RAN: variants seen among roughly 807,000 people sequenced by gnomAD.
The protein encoded by RAN is RAN, member RAS oncogene family.
In RAN, 2 loss-of-function variants were observed where a neutral mutation model predicts 26.8. The ratio of observed to expected loss-of-function variants is 0.07; its 90% confidence interval spans 0.03 to 0.23. The LOEUF is 0.23. Ranked by LOEUF, RAN falls within the 10% of genes least tolerant of loss-of-function variation. The pLI is 1.00. For missense variants in RAN, 56 were observed against 264.8 expected (o/e 0.21, Z 5.47); for synonymous variants, 132 against 95.9 (o/e 1.38, Z -2.20).
rs1953271305 is a variant in RAN at position 130,877,554 on chromosome 12, C to G, written c.*1628C>G. On this transcript the variant is annotated 3_prime_UTR_variant, in exon 7 of 7. Transcript: ENST00000543796. The stretch of plus-strand genomic sequence containing the variant: ...AAGTGGTGTTGACATTCTGGATCTT[C>G]TATGTAACAGTTGAAATTTGGAAGT... 1 of 152,102 alleles carries G rather than the reference C, an allele frequency of 6.6e-6. No individual in the cohort carries two copies. The highest frequency in any genetic ancestry group is 6.5e-5 in the Admixed American group (1 of 15,268). 9.4% of individuals were successfully genotyped at this position (152,102 alleles called of 1,614,324 possible). A position where few individuals can be genotyped will look rare whatever the true frequency, so the allele number is the denominator to read the frequency against.
chr12:130,874,444 G>T, intron 4 of RAN, 102 bp from the exon 5 acceptor site: 1 of 877,100 alleles, frequency 1.1e-6, no homozygotes, highest in Non-Finnish European at 1.7e-6. Context: ...GTGACTCGTT[G>T]AGGTCTAAGA....
intron 5 of RAN, among the ~76,000 whole-genome samples, chr12:130,875,206 C>T (rs1208820614): frequency 2.0e-5 from 3 of 152,124 alleles, no homozygotes; most frequent in African/African-American, 7.2e-5. Flanking sequence ...GGTTGGTCAG[C>T]TGAAATGTTT....
At position 130,877,340 on chromosome 12, in the gene RAN, TACTG is replaced by T. The variant is rs1953266860; in HGVS notation, c.*1415_*1418del. 6.6e-6 allele frequency: 1 copy of T among 152,246 alleles called. No individual in the cohort carries two copies. The highest frequency in any genetic ancestry group is 1.5e-5 in the Non-Finnish European group (1 of 68,046). 9.4% of individuals were successfully genotyped at this position (152,246 alleles called of 1,614,324 possible). A position where few individuals can be genotyped will look rare whatever the true frequency, so the allele number is the denominator to read the frequency against. On this transcript the variant is annotated 3_prime_UTR_variant, in exon 7 of 7. Transcript: ENST00000543796. The stretch of plus-strand genomic sequence containing the variant: ...GGGTGAAGCTGAATAAAGTTCTACT[TACTG>T]TATTAACTGGCAACAGTTGAGTTTC...
chr12:130,872,566 C>A lies in RAN; in HGVS notation c.-10-18C>A. 3 of 1,490,500 alleles carry A rather than the reference C, an allele frequency of 2.0e-6. No homozygotes were observed. Among genetic ancestry groups the A allele is most frequent in the Non-Finnish European group, 2.7e-6 (3 of 1,126,538 alleles). The allele number at this position is 1,490,500 out of a possible 1,614,324, so 92.3% of individuals were successfully genotyped here. ...GCGGGGCCGCGCGAGCGCTCGCCTC[C>A]GTCCTCTGCCTCCGCAGGAACGCCG... On this transcript the variant is annotated intron_variant, in intron 1 of 6. Coordinates refer to ENST00000543796, the MANE Select transcript of RAN (RefSeq NM_006325.5).
Position 130,877,329 on chromosome 12 carries a change from A to G in RAN, c.*1403A>G, listed in dbSNP as rs1953266502. On this transcript the variant is annotated 3_prime_UTR_variant, in exon 7 of 7. Transcript: ENST00000543796. ...AAATGAAATAAGGGTGAAGCTGAAT[A>G]AAGTTCTACTTACTGTATTAACTGG... 6.6e-6 allele frequency: 1 copy of G among 152,256 alleles called. No homozygotes were observed. The highest frequency in any genetic ancestry group is 6.5e-5 in the Admixed American group (1 of 15,282). The allele number at this position is 152,256 out of a possible 1,614,324, so 9.4% of individuals were successfully genotyped here. A position where few individuals can be genotyped will look rare whatever the true frequency, so the allele number is the denominator to read the frequency against.
chr12:130,877,230 C>G lies in RAN; in HGVS notation c.*1304C>G, dbSNP rs974782192. 1 of 151,984 alleles carries G rather than the reference C, an allele frequency of 6.6e-6. No homozygotes were observed. Among genetic ancestry groups the G allele is most frequent in the Non-Finnish European group, 1.5e-5 (1 of 67,996 alleles). 9.4% of individuals were successfully genotyped at this position (151,984 alleles called of 1,614,324 possible). On this transcript the variant is annotated 3_prime_UTR_variant, in exon 7 of 7. Coordinates refer to ENST00000543796, the MANE Select transcript of RAN (RefSeq NM_006325.5). ...CTATAGTCCAGTTTACCAAAGTTTT[C>G]TTTAGATGTCTGATAATCTTGAGAT...
intron 2 of RAN, 40 bp downstream of exon 2, chr12:130,872,669 C>G (rs987656340): frequency 5.9e-6 from 9 of 1,525,892 alleles, no homozygotes; most frequent in East Asian, 2.4e-5. Flanking sequence ...CGAGCCCGAC[C>G]GCGTGCGACT....
In RAN at chr12:130,877,254, A is replaced by G. The variant is rs186938343; in HGVS notation, c.*1328A>G. The G allele has an allele frequency of 1.7e-3, 258 of 152,270 alleles. 1 individual carries two copies. Among genetic ancestry groups the G allele is most frequent in the African/African-American group, 5.5e-3 (230 of 41,544 alleles). The allele number at this position is 152,270 out of a possible 1,614,324, so 9.4% of individuals were successfully genotyped here. A position where few individuals can be genotyped will look rare whatever the true frequency, so the allele number is the denominator to read the frequency against. ...TCTTTAGATGTCTGATAATCTTGAG[A>G]TGATTGCTTACCTTAAAAGGTATAG... On this transcript the variant is annotated 3_prime_UTR_variant, in exon 7 of 7. Coordinates refer to ENST00000543796, the MANE Select transcript of RAN (RefSeq NM_006325.5).
At position 130,873,147 on chromosome 12, in the gene RAN, C is replaced by A; in HGVS notation, c.247+19C>A. The A allele has an allele frequency of 6.2e-7, 1 of 1,614,002 alleles. No homozygotes were observed. The highest frequency in any genetic ancestry group is 1.1e-5 in the South Asian group (1 of 91,048). ...ATCCAAGGTAGGCATTTGTAACTTG[C>A]TGAACGGTTTTTGAGAGGTTTTGTG... On this transcript the variant is annotated intron_variant, in intron 4 of 6. Coordinates refer to ENST00000543796, the MANE Select transcript of RAN (RefSeq NM_006325.5).
chr12:130,876,463 A>G lies in RAN; in HGVS notation c.*537A>G, dbSNP rs1953243049. ...CCATGTCACACAAACTGATGATGAC[A>G]GGTCAGCAGTATTCTATTTGGTTAG... is the stretch of plus-strand genomic sequence containing the variant. On this transcript the variant is annotated 3_prime_UTR_variant, in exon 7 of 7. Transcript: ENST00000543796. 6.3e-6 allele frequency: 1 copy of G among 158,726 alleles called. No homozygotes were observed. Among genetic ancestry groups the G allele is most frequent in the South Asian group, 1.9e-4 (1 of 5,384 alleles). 9.8% of individuals were successfully genotyped at this position (158,726 alleles called of 1,614,324 possible). A position where few individuals can be genotyped will look rare whatever the true frequency, so the allele number is the denominator to read the frequency against.
chr12:130,874,332 A>T, intron 4 of RAN: 1 of 487,224 alleles, frequency 2.1e-6, no homozygotes, highest in South Asian at 3.5e-5. Context: ...GGTGAAGTAT[A>T]TCAGGGAGAT....
intron 4 of RAN, chr12:130,873,593 A>G (rs1342543949): frequency 6.2e-6 from 1 of 162,440 alleles, no homozygotes; most frequent in African/African-American, 2.4e-5. Context: ...TGTGCAGAGT[A>G]TTTTTCTCAA....
chr12:130,872,699 G>C, intron 2 of RAN, 70 bp downstream of exon 2: 2 of 1,544,768 alleles, frequency 1.3e-6, no homozygotes, highest in Non-Finnish European at 8.7e-7. Context: ...CTCCTCCTGG[G>C]GCCACGATGG....
At chr12:130,873,267 A>G (rs1953173197) in intron 4 of RAN, 139 bp downstream of exon 4, 10 of 1,188,292 alleles carry the variant, frequency 8.4e-6, no homozygotes, top group East Asian at 2.4e-5. Flanking sequence ...CGGGGAGTTG[A>G]CCACCATTTT....
chr12:130,874,064 G>T, intron 4 of RAN: 2 of 360,574 alleles, frequency 5.5e-6, no homozygotes, highest in Non-Finnish European at 1.1e-5. Context: ...GCCCATGCTG[G>T]TCTGGAACTC....
At chr12:130,874,430 A>G in intron 4 of RAN, 116 bp from the exon 5 acceptor site, 2 of 722,722 alleles carry the variant, frequency 2.8e-6, no homozygotes, top group Non-Finnish European at 4.5e-6. Context: ...GGGGAGAGAT[A>G]CAGGTGACTC....
At chr12:130,874,982 C>G (rs1165548253) in intron 5 of RAN, among the ~76,000 whole-genome samples, 2 of 152,092 alleles carry the variant, frequency 1.3e-5, no homozygotes, top group Non-Finnish European at 2.9e-5. Context: ...CCACGCCTGG[C>G]TAATTTTTGT....
intron 4 of RAN, 21 bp from the exon 5 acceptor site, chr12:130,874,525 T>C: frequency 6.5e-7 from 1 of 1,532,372 alleles, no homozygotes; most frequent in Non-Finnish European, 9.0e-7. Context: ...AGTGTACTAA[T>C]TCCCACAAAT....
At chr12:130,874,358 C>T (rs1027198810) in intron 4 of RAN, 188 bp from the exon 5 acceptor site, 6 of 528,930 alleles carry the variant, frequency 1.1e-5, no homozygotes, top group African/African-American at 9.6e-5. Flanking sequence ...AGGGTCAGCT[C>T]ATCTCTCTTA....
Sources: allele counts gnomAD v4.1 joint callset (sites outside exome capture counted in the v4.1 genomes callset), GRCh38; gene constraint gnomAD v4.1.1; transcripts MANE v1.5; gene names NCBI Gene and HGNC (gene_info 2026-07-23, HGNC 2026-07-21).